The following PPP6R1 variants were observed in gnomAD, a reference collection of about 807,000 sequenced individuals.
PPP6R1 encodes serine/threonine-protein phosphatase 6 regulatory subunit 1.
Under a neutral mutation model 104.6 loss-of-function variants are expected in PPP6R1, and 39 were observed. The ratio of observed to expected loss-of-function variants is 0.37; its 90% CI spans 0.29 to 0.49. PPP6R1 has a LOEUF of 0.49. PPP6R1 is among the 20% of genes least tolerant of loss of function. PPP6R1 has a pLI of 0.98. For missense variants in PPP6R1, 1,181 were observed against 1,155.8 expected, an observed-to-expected ratio of 1.02 and a Z score of -0.32; for synonymous variants, 549 against 479.0, an observed-to-expected ratio of 1.15 and a Z score of -1.91.
intron 1 of PPP6R1, among the ~76,000 whole-genome samples, chr19:55,257,200 G>A (rs1427813332): frequency 6.6e-6 from 1 of 151,960 alleles, no homozygotes; most frequent in Non-Finnish European, 1.5e-5. Flanking sequence ...GTGCATGTAT[G>A]TAAACCAAGT....
At position 55,241,065 on chromosome 19, in the gene PPP6R1, A is replaced by T; in HGVS notation, c.1176T>A (p.His392Gln). Reference sequence around the variant, plus strand: ...CATGCAAGAAGTTGTTGAAGACATAATGGAAGAAGAGGTCCTATGGGAGGA... The same window carrying T: ...CATGCAAGAAGTTGTTGAAGACATATTGGAAGAAGAGGTCCTATGGGAGGA... ...VPNTMLDLFF[H>Q]YVFNNFLHAQ... Residue 392 changes from histidine to glutamine, a missense_variant, in exon 10 of 24, where the codon CAT becomes CAA. This residue lies in a region of PPP6R1 where 1,042 missense variants were observed against 955.6 expected (regional missense o/e 1.09). Transcript: ENST00000412770. The surrounding 1 kb of genome is among the most constrained non-coding windows in gnomAD (Gnocchi z 5.4). 1 of 1,552,512 alleles carries T rather than the reference A, an allele frequency of 6.4e-7. No individual in the cohort carries two copies. The highest frequency in any genetic ancestry group is 1.4e-5 in the African/African-American group (1 of 73,192).
rs1390573869 is a variant in PPP6R1 at position 55,241,474 on chromosome 19, G to A, written c.1008+3C>T. On this transcript the variant is annotated splice_donor_region_variant and intron_variant, in intron 8 of 23. Transcript: ENST00000412770. This position sits in a 1 kb window ranked among gnomAD's most constrained non-coding sequence, Gnocchi z 5.4. ...CCCGAGGACCAGAACCCACACCCCT[G>A]ACCTTGGGAGGCTCCAGCAGGAGCT... 4.4e-6 allele frequency: 7 copies of A among 1,603,030 alleles called. No individual in the cohort carries two copies. The highest frequency in any genetic ancestry group is 6.0e-6 in the Non-Finnish European group (7 of 1,174,942).
At chr19:55,250,184 C>T (rs550895628) in intron 1 of PPP6R1, among the ~76,000 whole-genome samples, 2 of 152,352 alleles carry the variant, frequency 1.3e-5, no homozygotes, top group South Asian at 2.1e-4. Context: ...ACCTGCACTG[C>T]GCTGACTACT....
chr19:55,233,287 G>A (rs1306156889), intron 17 of PPP6R1: 4 of 152,156 alleles, frequency 2.6e-5, no homozygotes, highest in South Asian at 2.1e-4. Context: ...CGACTAAGGA[G>A]TATAAAGGAA....
At chr19:55,248,169 A>G (rs910458907) in intron 1 of PPP6R1, among the ~76,000 whole-genome samples, 1 of 152,180 alleles carries the variant, frequency 6.6e-6, no homozygotes, top group Admixed American at 6.5e-5. Flanking sequence ...TACAGACCTG[A>G]CCTGTGACCT....
At chr19:55,232,582 A>G in intron 17 of PPP6R1, 1 of 217,488 alleles carries the variant, frequency 4.6e-6, no homozygotes. Flanking sequence ...CACCACAGTG[A>G]CAGGCCTTCC....
chr19:55,238,731 G>A (rs2122586686), intron 15 of PPP6R1: 1 of 151,942 alleles, frequency 6.6e-6, no homozygotes, highest in Admixed American at 6.6e-5. Flanking sequence ...CCTGACCTCA[G>A]GTGATCTGCC....
downstream of PPP6R1, chr19:55,228,553 C>G: frequency 6.5e-7 from 1 of 1,529,066 alleles, no homozygotes; most frequent in South Asian, 1.2e-5. Flanking sequence ...CAGGCTGGAC[C>G]CATTCAGGGA....
chr19:55,233,211 T>G (rs1187574633), intron 17 of PPP6R1: 1 of 152,132 alleles, frequency 6.6e-6, no homozygotes, highest in Non-Finnish European at 1.5e-5. Context: ...CTTAACAGAG[T>G]AACTGACTAC....
chr19:55,250,134 C>T (rs1426332092), intron 1 of PPP6R1, among the ~76,000 whole-genome samples: 1 of 152,170 alleles, frequency 6.6e-6, no homozygotes, highest in Non-Finnish European at 1.5e-5. Flanking sequence ...GGGGGCATTC[C>T]AGGCAATGAT....
downstream of PPP6R1, chr19:55,228,357 C>A (rs546626247): frequency 1.2e-6 from 2 of 1,613,926 alleles, no homozygotes; most frequent in Admixed American, 3.3e-5. Flanking sequence ...ACCAGGACAG[C>A]TGGTCCTCGG....
chr19:55,232,389 T>A, intron 17 of PPP6R1, 178 bp from the exon 18 acceptor site: 1 of 919,276 alleles, frequency 1.1e-6, no homozygotes, highest in Non-Finnish European at 1.6e-6. Flanking sequence ...GAGGGAGTTC[T>A]GAGCCAACGG....
downstream of PPP6R1, chr19:55,228,365 C>G: frequency 1.2e-6 from 2 of 1,613,862 alleles, no homozygotes; most frequent in East Asian, 4.5e-5. Flanking sequence ...AGCTGGTCCT[C>G]GGGAATCCAG....
intron 17 of PPP6R1, among the ~76,000 whole-genome samples, chr19:55,234,226 T>C (rs1044841206): frequency 2.6e-5 from 4 of 152,086 alleles, no homozygotes; most frequent in African/African-American, 9.7e-5. Context: ...GGATTACAGG[T>C]GTGAGCCACC....
At chr19:55,250,688 A>C (rs2087546075) in intron 1 of PPP6R1, among the ~76,000 whole-genome samples, 1 of 152,128 alleles carries the variant, frequency 6.6e-6, no homozygotes, top group Non-Finnish European at 1.5e-5. Context: ...GTTCGGCCAG[A>C]GGCCTGAGTT....
chr19:55,236,429 T>C (rs769489786), intron 17 of PPP6R1: 46 of 573,926 alleles, frequency 8.0e-5, no homozygotes, highest in Non-Finnish European at 1.2e-4. Flanking sequence ...GTACTGGGAT[T>C]ACAGGCACTC....
Position 55,230,531 on chromosome 19 carries a change from T to C in PPP6R1, c.2643A>G (p.Gln881=). The C allele has an allele frequency of 6.2e-7, 1 of 1,613,474 alleles. No homozygotes were observed. The highest frequency in any genetic ancestry group is 8.5e-7 in the Non-Finnish European group (1 of 1,179,808). ...APEGPASPGS[Q] is the part of the protein sequence containing the mutation. ...CCGCCGCTGCCGCACCAGGCAGCTA[T>C]CTGGAAACAGAGGGAGATGTCGTGT... Residue 881 remains glutamine, a splice_region_variant and synonymous_variant, in exon 24 of 24, where the codon CAA becomes CAG. Coordinates refer to ENST00000412770, the MANE Select transcript of PPP6R1 (RefSeq NM_014931.4).
At chr19:55,232,801 T>A (rs990798016) in intron 17 of PPP6R1, 1 of 152,516 alleles carries the variant, frequency 6.6e-6, no homozygotes, top group African/African-American at 2.4e-5. Flanking sequence ...GCAACCTACG[T>A]GCTGATCAAC....
chr19:55,231,734 G>A (rs2122514654), intron 19 of PPP6R1, 66 bp from the exon 20 acceptor site: 1 of 1,505,326 alleles, frequency 6.6e-7, no homozygotes, highest in Non-Finnish European at 8.9e-7. Context: ...TGAGAGGACG[G>A]GGACCCCATG....
Sources: gnomAD v4.1 joint callset for allele counts (sites outside exome capture counted in the v4.1 genomes callset) on GRCh38, gnomAD v4.1.1 for gene constraint, gnomAD v4.1.1 regional missense constraint, Gnocchi (gnomAD v3.1) non-coding constraint, MANE v1.5 for transcripts, NCBI Gene and HGNC (gene_info 2026-07-23, HGNC 2026-07-21) for gene names.